The following PDE8A variants were observed in gnomAD, a reference collection of about 807,000 sequenced individuals.
PDE8A encodes phosphodiesterase 8A, also known as high affinity cAMP-specific and IBMX-insensitive 3',5'-cyclic phosphodiesterase 8A.
Under a neutral mutation model 105.0 loss-of-function variants are expected in PDE8A, and 59 were observed. That is an observed-to-expected ratio of 0.56 (90% CI 0.46 to 0.70). The LOEUF (loss-of-function observed/expected upper bound fraction) is 0.70, where lower values mean the gene tolerates loss of function less well. PDE8A is among the 30% of genes least tolerant of loss of function. The pLI is 0.00. For missense variants in PDE8A, 1,014 were observed against 1,045.9 expected (o/e 0.97, Z 0.42); for synonymous variants, 355 against 371.9 (o/e 0.95, Z 0.52).
chr15:85,126,409 G>A (rs2082259869), intron 20 of PDE8A, 35 bp downstream of exon 20: 6 of 1,447,190 alleles, frequency 4.1e-6, no homozygotes, highest in Non-Finnish European at 5.6e-6. Flanking sequence ...TCTAGAGAGA[G>A]AGAGAGTTAA....
intron 1 of PDE8A, among the ~76,000 whole-genome samples, chr15:85,055,659 C>T (rs1048464692): frequency 4.6e-5 from 7 of 152,054 alleles, no homozygotes; most frequent in African/African-American, 7.2e-5. Flanking sequence ...TTTCCATTTG[C>T]TTGGTAGATC....
chr15:85,096,544 G>C (rs2081757063), intron 8 of PDE8A, among the ~76,000 whole-genome samples: 1 of 152,212 alleles, frequency 6.6e-6, no homozygotes, highest in African/African-American at 2.4e-5. Flanking sequence ...TATTCCCCTT[G>C]ATAGTGAGCT....
intron 1 of PDE8A, among the ~76,000 whole-genome samples, chr15:85,056,043 G>T (rs905876279): frequency 2.6e-4 from 39 of 152,166 alleles, no homozygotes; most frequent in African/African-American, 4.8e-4. Context: ...GTCTGTAAAG[G>T]ATTTTATTTC....
chr15:85,100,303 C>T (rs1386034888), intron 11 of PDE8A, 105 bp downstream of exon 11: 5 of 962,558 alleles, frequency 5.2e-6, no homozygotes, highest in Non-Finnish European at 7.9e-6. Context: ...GGATTTTCCT[C>T]AGACTGTGGC....
intron 5 of PDE8A, among the ~76,000 whole-genome samples, chr15:85,081,903 A>G (rs774546972): frequency 4.6e-5 from 7 of 152,090 alleles, no homozygotes; most frequent in Non-Finnish European, 7.4e-5. Flanking sequence ...GATTGCATGC[A>G]TGGGAATCCA....
At chr15:85,115,903 G>C (rs1290251816) in intron 15 of PDE8A, 81 bp from the exon 16 acceptor site, 4 of 1,246,232 alleles carry the variant, frequency 3.2e-6, no homozygotes, top group Non-Finnish European at 3.4e-6. Context: ...CTGGGCAACA[G>C]AGTGAGATTC....
At chr15:85,071,618 T>C (rs957112912) in intron 3 of PDE8A, among the ~76,000 whole-genome samples, 1 of 152,224 alleles carries the variant, frequency 6.6e-6, no homozygotes. Context: ...GCATGCCTGC[T>C]GGCAGTGTTC....
At chr15:85,059,489 A>C (rs985947783) in intron 1 of PDE8A, among the ~76,000 whole-genome samples, 16 of 152,108 alleles carry the variant, frequency 1.1e-4, no homozygotes, top group African/African-American at 3.6e-4. Context: ...TTTTTACTTT[A>C]TATATTTTAA....
In PDE8A at chr15:85,047,474, C is replaced by T. The variant is rs1024537948; in HGVS notation, c.187-16896C>T. 1.7e-4 allele frequency among the ~76,000 whole-genome samples: 26 copies of T among 152,048 alleles called. 1 individual carries two copies. Among genetic ancestry groups the T allele is most frequent in the Non-Finnish European group, 3.7e-4 (25 of 68,016 alleles). On this transcript the variant is annotated intron_variant, in intron 1 of 21. Coordinates refer to ENST00000394553, the MANE Select transcript of PDE8A (RefSeq NM_002605.3). ...GAGGTCCTGAGAGCCGGATATACCC[C>T]GTAGACAGGATGTAAGGTTAAATGC...
intron 1 of PDE8A, among the ~76,000 whole-genome samples, chr15:85,010,599 A>G (rs68115999): frequency 0.044 from 6,646 of 152,180 alleles, 164 homozygotes; most frequent in Middle Eastern, 0.061. Flanking sequence ...CGCTGGGCCT[A>G]TTTATGCCAG....
chr15:85,031,185 C>T (rs1015264527), intron 1 of PDE8A, among the ~76,000 whole-genome samples: 2 of 152,092 alleles, frequency 1.3e-5, no homozygotes, highest in African/African-American at 2.4e-5. Flanking sequence ...AATCTGATAG[C>T]CCATCACATT....
chr15:85,019,275 C>T (rs1368529858), intron 1 of PDE8A, among the ~76,000 whole-genome samples: 1 of 152,142 alleles, frequency 6.6e-6, no homozygotes, highest in African/African-American at 2.4e-5. Context: ...GAAAAATCTG[C>T]ATACACACAT....
intron 1 of PDE8A, among the ~76,000 whole-genome samples, chr15:85,034,423 T>C (rs1237894750): frequency 6.6e-6 from 1 of 151,728 alleles, no homozygotes; most frequent in African/African-American, 2.4e-5. Flanking sequence ...AAAACAAATG[T>C]GGAGATTGAT....
intron 1 of PDE8A, among the ~76,000 whole-genome samples, chr15:85,031,698 T>C (rs1441681501): frequency 1.3e-5 from 2 of 152,150 alleles, no homozygotes; most frequent in Non-Finnish European, 2.9e-5. Flanking sequence ...GTTCCTACTT[T>C]ATAGAGTTGA....
Position 85,138,666 on chromosome 15 carries a change from G to A in PDE8A, c.*763G>A, listed in dbSNP as rs527944320. Reference sequence around the variant, plus strand: ...TGATTGAGGCTAACTGGAAAAAGCTGGGGTCGTATTCTAAGTGCTAAAGAA... The same window carrying A: ...TGATTGAGGCTAACTGGAAAAAGCTAGGGTCGTATTCTAAGTGCTAAAGAA... On this transcript the variant is annotated 3_prime_UTR_variant, in exon 22 of 22. Transcript: ENST00000394553. 91 of 152,370 alleles carry A rather than the reference G, an allele frequency of 6.0e-4. 2 individuals carry two copies. The highest frequency in any genetic ancestry group is 4.5e-3 in the Admixed American group (69 of 15,286). 9.4% of individuals were successfully genotyped at this position (152,370 alleles called of 1,614,324 possible). A position where few individuals can be genotyped will look rare whatever the true frequency, so the allele number is the denominator to read the frequency against.
chr15:85,004,580 A>C (rs534607701), intron 1 of PDE8A, among the ~76,000 whole-genome samples: 1 of 152,014 alleles, frequency 6.6e-6, no homozygotes, highest in Non-Finnish European at 1.5e-5. Context: ...CAGTAAATCC[A>C]CTCTATCGCC....
At chr15:84,999,412 C>T (rs774840683) in intron 1 of PDE8A, among the ~76,000 whole-genome samples, 4 of 151,680 alleles carry the variant, frequency 2.6e-5, no homozygotes, top group Non-Finnish European at 5.9e-5. Flanking sequence ...CGTGAGCCAC[C>T]GCGCCTGGCC....
rs147822758 is a variant in PDE8A at position 84,996,002 on chromosome 15, C to T, written c.186+13654C>T. 5.9e-3 allele frequency among the ~76,000 whole-genome samples: 904 copies of T among 152,080 alleles called. 14 individuals carry two copies. The highest frequency in any genetic ancestry group is 0.021 in the African/African-American group (858 of 41,450). ...TAGTATGTTTTGGACATTTGAATGT[C>T]CTCTTCTGTGAATTTTTCATGTTTG... On this transcript the variant is annotated intron_variant, in intron 1 of 21. Coordinates refer to ENST00000394553, the MANE Select transcript of PDE8A (RefSeq NM_002605.3).
Position 85,109,145 on chromosome 15 carries a change from C to T in PDE8A, c.1114+15C>T, listed in dbSNP as rs781758252. ...TGCAACTGAAGGTGAGTGACAAAGA[C>T]AAGAGAAAAAAATGTGATCAAATCA... On this transcript the variant is annotated intron_variant, in intron 12 of 21. Transcript: ENST00000394553. The T allele has an allele frequency of 6.3e-7, 1 of 1,581,274 alleles. No individual in the cohort carries two copies. The highest frequency in any genetic ancestry group is 1.1e-5 in the South Asian group (1 of 89,950).
Sources: gnomAD v4.1 joint callset for allele counts (sites outside exome capture counted in the v4.1 genomes callset) on GRCh38, gnomAD v4.1.1 for gene constraint, MANE v1.5 for transcripts, NCBI Gene and HGNC (gene_info 2026-07-23, HGNC 2026-07-21) for gene names.